Variants in RELN observed in about 807,000 individuals in gnomAD.
RELN encodes reelin.
Under a neutral mutation model 427.6 loss-of-function variants are expected in RELN, and 108 were observed. The ratio of observed to expected loss-of-function variants is 0.25; its 90% CI spans 0.22 to 0.30. RELN has a LOEUF of 0.30. Ranked by LOEUF, RELN falls within the 10% of genes least tolerant of loss-of-function variation. The pLI is 1.00. For synonymous variants in RELN, 1,524 were observed against 1,513.4 expected (o/e 1.01, Z -0.16); for missense variants, 3,715 against 4,302.8 (o/e 0.86, Z 3.82).
rs113336176 is a variant in RELN at position 103,753,624 on chromosome 7, T to G, written c.545-410A>C. The stretch of plus-strand genomic sequence containing the variant: ...AAGCTTCAAGGAAAACAAGGGTTTA[T>G]TTGCAAACTAGCTGGAAAAGTAGGA... On this transcript the variant is annotated intron_variant, in intron 4 of 64. Coordinates refer to ENST00000428762, the MANE Select transcript of RELN (RefSeq NM_005045.4). Among the ~76,000 whole-genome samples, 667 of 152,326 alleles carry G rather than the reference T, an allele frequency of 4.4e-3. 6 individuals carry two copies. The highest frequency in any genetic ancestry group is 0.015 in the African/African-American group (631 of 41,570).
At chr7:103,736,925 G>A (rs1790508647) in intron 6 of RELN, among the ~76,000 whole-genome samples, 1 of 152,070 alleles carries the variant, frequency 6.6e-6, no homozygotes, top group Admixed American at 6.6e-5. Context: ...GGAATGAGGG[G>A]GAGGAAGCTA....
chr7:103,814,712 A>G (rs771833039), intron 3 of RELN, among the ~76,000 whole-genome samples: 1 of 152,010 alleles, frequency 6.6e-6, no homozygotes, highest in Non-Finnish European at 1.5e-5. Flanking sequence ...CAGTGTGATG[A>G]AAAGGGAAGT....
chr7:103,963,004 T>A (rs1393367169), intron 1 of RELN, among the ~76,000 whole-genome samples: 1 of 152,060 alleles, frequency 6.6e-6, no homozygotes, highest in Non-Finnish European at 1.5e-5. Flanking sequence ...CTTTGCTAGG[T>A]GTGCCAGAGA....
chr7:103,654,943 AT>A (rs1458590980), intron 12 of RELN, among the ~76,000 whole-genome samples: 2 of 151,954 alleles, frequency 1.3e-5, no homozygotes, highest in Non-Finnish European at 2.9e-5. Flanking sequence ...CTAACCTATT[AT>A]TTTCATAACT....
chr7:103,902,943 T>C (rs2116624213), intron 2 of RELN, among the ~76,000 whole-genome samples: 1 of 152,258 alleles, frequency 6.6e-6, no homozygotes, highest in East Asian at 1.9e-4. Context: ...GCAATAACAT[T>C]ACACAATTAT....
chr7:103,840,263 G>C (rs953955825), intron 2 of RELN, among the ~76,000 whole-genome samples: 1 of 152,250 alleles, frequency 6.6e-6, no homozygotes, highest in African/African-American at 2.4e-5. Context: ...CTGGATTCCA[G>C]TCAGTGCCCT....
At chr7:103,492,810 G>A (rs192783699) in intron 57 of RELN, among the ~76,000 whole-genome samples, 1 of 152,300 alleles carries the variant, frequency 6.6e-6, no homozygotes, top group East Asian at 1.9e-4. Context: ...CATGCGAGCT[G>A]CCCCTGAAGA....
At chr7:103,692,764 G>A (rs1397735638) in intron 10 of RELN, among the ~76,000 whole-genome samples, 1 of 151,928 alleles carries the variant, frequency 6.6e-6, no homozygotes, top group Non-Finnish European at 1.5e-5. Flanking sequence ...AATGACCAGT[G>A]GAAAAAGAGT....
At chr7:103,601,200 T>C (rs1014381705) in intron 24 of RELN, among the ~76,000 whole-genome samples, 1 of 150,690 alleles carries the variant, frequency 6.6e-6, no homozygotes. Flanking sequence ...TACTTTAAAA[T>C]TGATGCTTAT....
At chr7:103,677,446 TAATAATAAA>T (rs1562952781) in intron 11 of RELN, among the ~76,000 whole-genome samples, 2 of 117,708 alleles carry the variant, frequency 1.7e-5, no homozygotes, top group South Asian at 5.2e-4. Context: ...ATAATAATAA[TAATAATAAA>T]AAGAACAACA....
chr7:103,776,024 TTGTG>T (rs1791730195), intron 4 of RELN, among the ~76,000 whole-genome samples: 1 of 152,226 alleles, frequency 6.6e-6, no homozygotes, highest in African/African-American at 2.4e-5. Context: ...TGTGCTGTGT[TTGTG>T]TGTGCATGTG....
chr7:103,607,228 AAAACTT>A (rs1274689309), intron 22 of RELN, among the ~76,000 whole-genome samples: 1 of 152,164 alleles, frequency 6.6e-6, no homozygotes, highest in Admixed American at 6.5e-5. Context: ...CATGTACCCT[AAAACTT>A]AAAGTATAAT....
At chr7:103,539,917 G>T (rs933985423) in intron 44 of RELN, among the ~76,000 whole-genome samples, 1 of 152,158 alleles carries the variant, frequency 6.6e-6, no homozygotes, top group South Asian at 2.1e-4. Flanking sequence ...CTTGTATCAC[G>T]CTTGATAAAG....
At chr7:103,610,910 T>C in intron 21 of RELN, 103 bp from the exon 22 acceptor site, 1 of 732,542 alleles carries the variant, frequency 1.4e-6, no homozygotes, top group Non-Finnish European at 2.5e-6. Flanking sequence ...AGAAATCTAA[T>C]GTCATAATCT....
At chr7:103,959,174 C>G (rs1796497873) in intron 1 of RELN, among the ~76,000 whole-genome samples, 1 of 152,120 alleles carries the variant, frequency 6.6e-6, no homozygotes, top group African/African-American at 2.4e-5. Context: ...AATTCCTGAC[C>G]TCAAGGGATC....
At chr7:103,931,620 C>T (rs1194756404) in intron 1 of RELN, among the ~76,000 whole-genome samples, 3 of 152,316 alleles carry the variant, frequency 2.0e-5, no homozygotes, top group Admixed American at 2.0e-4. Context: ...TAGGTAAATA[C>T]AGTTGAAGTC....
At chr7:103,902,928 A>G (rs944763497) in intron 2 of RELN, among the ~76,000 whole-genome samples, 3 of 152,166 alleles carry the variant, frequency 2.0e-5, no homozygotes, top group Non-Finnish European at 4.4e-5. Flanking sequence ...AATCACATCT[A>G]GGAAGCAATA....
intron 1 of RELN, among the ~76,000 whole-genome samples, chr7:103,923,368 A>G (rs1370217432): frequency 6.6e-6 from 1 of 152,154 alleles, no homozygotes; most frequent in South Asian, 2.1e-4. Flanking sequence ...ACTTCTCATT[A>G]CATATATTAA....
chr7:103,889,155 T>TA (rs1794789891), intron 2 of RELN, among the ~76,000 whole-genome samples: 1 of 152,210 alleles, frequency 6.6e-6, no homozygotes, highest in Non-Finnish European at 1.5e-5. Flanking sequence ...TACCATCTTT[T>TA]AACTATTCTA....
Sources: gnomAD v4.1 joint callset for allele counts (sites outside exome capture counted in the v4.1 genomes callset) on GRCh38, gnomAD v4.1.1 for gene constraint, MANE v1.5 for transcripts, NCBI Gene and HGNC (gene_info 2026-07-23, HGNC 2026-07-21) for gene names.